Variants in GALNT8 observed in about 807,000 individuals in gnomAD.
The protein encoded by GALNT8 is probable polypeptide N-acetylgalactosaminyltransferase 8.
In GALNT8, 66 loss-of-function variants were observed where a neutral mutation model predicts 62.7. That is an observed-to-expected ratio of 1.05 (90% CI 0.86 to 1.29). GALNT8 has a LOEUF of 1.29. GALNT8 is among the 50% of genes most tolerant of loss of function. The probability of loss-of-function intolerance (pLI) is 0.00; values close to 1 mark genes in which losing one functional copy is unlikely to be tolerated. For synonymous variants in GALNT8, 288 were observed against 294.3 expected, an observed-to-expected ratio of 0.98 and a Z score of 0.22; for missense variants, 771 against 791.8, an observed-to-expected ratio of 0.97 and a Z score of 0.32.
intron 6 of GALNT8, 128 bp downstream of exon 6, chr12:4,746,386 TC>T (rs1946300104): frequency 1.5e-6 from 1 of 654,882 alleles, no homozygotes; most frequent in African/African-American, 1.8e-5. Flanking sequence ...TTCTTATGTT[TC>T]TAGGCAACTG....
At chr12:4,722,165 A>G (rs1946173854) in intron 1 of GALNT8, among the ~76,000 whole-genome samples, 1 of 152,192 alleles carries the variant, frequency 6.6e-6, no homozygotes, top group Non-Finnish European at 1.5e-5. Context: ...CTACACAGAC[A>G]CAGTAACAAT....
At chr12:4,759,761 G>T (rs1389317398) in intron 6 of GALNT8, among the ~76,000 whole-genome samples, 1 of 152,066 alleles carries the variant, frequency 6.6e-6, no homozygotes, top group East Asian at 1.9e-4. Flanking sequence ...AGCGTGGTAG[G>T]TTGCTAGCCA....
intron 3 of GALNT8, among the ~76,000 whole-genome samples, chr12:4,741,200 C>A (rs1946270658): frequency 6.6e-6 from 1 of 152,122 alleles, no homozygotes; most frequent in South Asian, 2.1e-4. Context: ...CTTAAACCTT[C>A]TTTTTTAGAC....
intron 6 of GALNT8, among the ~76,000 whole-genome samples, chr12:4,758,870 A>G (rs1333284853): frequency 2.0e-5 from 3 of 151,360 alleles, no homozygotes; most frequent in Non-Finnish European, 2.9e-5. Flanking sequence ...TCCACCTCCC[A>G]GGTTCAAGTG....
chr12:4,724,148 C>CAAAAA (rs11456593), intron 1 of GALNT8, among the ~76,000 whole-genome samples: 2 of 48,092 alleles, frequency 4.2e-5, no homozygotes, highest in Non-Finnish European at 7.0e-5. Context: ...GACTCCGTCT[C>CAAAAA]AAAAAAAAAA....
chr12:4,746,177 CAG>C lies in GALNT8; in HGVS notation c.1093_1094del (p.Arg365AlafsTer24). The C allele has an allele frequency of 6.2e-7, 1 of 1,612,606 alleles. No homozygotes were observed. Among genetic ancestry groups the C allele is most frequent in the Non-Finnish European group, 8.5e-7 (1 of 1,178,636 alleles). ...PSIMGILAAN[R>X]HFLGEIGSLD... is the part of the protein sequence containing the mutation. Reference sequence around the variant, plus strand: ...CAATCATGGGCATCCTGGCTGCTAACAGGCACTTCCTGGGAGAGATCGGGTCT... The same window carrying C: ...CAATCATGGGCATCCTGGCTGCTAACGCACTTCCTGGGAGAGATCGGGTCT... On this transcript the variant is annotated frameshift_variant, in exon 6 of 11. Coordinates refer to ENST00000252318, the MANE Select transcript of GALNT8 (RefSeq NM_017417.2). LOFTEE classifies it high-confidence loss of function.
At chr12:4,746,608 A>G (rs2137533276) in intron 6 of GALNT8, among the ~76,000 whole-genome samples, 1 of 152,254 alleles carries the variant, frequency 6.6e-6, no homozygotes, top group South Asian at 2.1e-4. Flanking sequence ...GACAGCAAAA[A>G]CAGGAGTGGG....
rs150045663 is a variant in GALNT8, at chr12:4,720,814, C to G, written c.137C>G (p.Pro46Arg). Residue 46 changes from proline to arginine, a missense_variant, in exon 1 of 11, where the codon CCT (proline) becomes CGT (arginine). By Grantham distance (103) the Pro-to-Arg change is moderately radical. Coordinates refer to ENST00000252318, the MANE Select transcript of GALNT8 (RefSeq NM_017417.2). ...LFTGGLHRELPLHLNKRYGAV... is the reference protein window; with the variant it reads ...LFTGGLHRELRLHLNKRYGAV... ...ACGGGTGGTCTCCACAGGGAGCTTC[C>G]TTTACATCTGAATAAACGCTACGGG... The G allele has an allele frequency of 6.5e-5, 104 of 1,612,242 alleles. No individual in the cohort carries two copies. In the African/African-American group the frequency reaches 1.2e-3, roughly 18 times the overall value.
rs1352563848 is a variant in GALNT8 at position 4,744,523 on chromosome 12, TA to T, written c.686del (p.Lys229ArgfsTer19). ...LVDDFSSNGE[L>X]KVHLDEKIKL... ...GTGTGCACTTGATTGACAGGAGAAC[TA>T]AAGGTACACTTGGATGAGAAGATTA... On this transcript the variant is annotated frameshift_variant, in exon 4 of 11. Coordinates refer to ENST00000252318, the MANE Select transcript of GALNT8 (RefSeq NM_017417.2). LOFTEE classifies it high-confidence loss of function. 1 of 1,605,626 alleles carries T rather than the reference TA, an allele frequency of 6.2e-7. No individual in the cohort carries two copies. Among genetic ancestry groups the T allele is most frequent in the African/African-American group, 1.3e-5 (1 of 74,524 alleles).
At position 4,739,164 on chromosome 12, in the gene GALNT8, T is replaced by C; in HGVS notation, c.511T>C (p.Cys171Arg). ...TGTTATAAAAATGGTCTCTTATAGA[T>C]GTCTTCGGAAGACATATCCTTCCCA... ...RTIPDTRDYRCLRKTYPSQLP... is the reference protein window; with the variant it reads ...RTIPDTRDYRRLRKTYPSQLP... Residue 171 changes from cysteine (C) to arginine (R), a missense_variant and splice_region_variant, in exon 3 of 11, where the codon TGT (cysteine) becomes CGT (arginine). Physicochemically the swap from Cys to Arg is radical, Grantham distance 180 (BLOSUM62 -3). Coordinates refer to ENST00000252318, the MANE Select transcript of GALNT8 (RefSeq NM_017417.2). 6.3e-7 allele frequency: 1 copy of C among 1,598,796 alleles called. No homozygotes were observed. The highest frequency in any genetic ancestry group is 8.6e-7 in the Non-Finnish European group (1 of 1,168,434).
chr12:4,744,749 T>C (rs12312983), intron 4 of GALNT8, 49 bp downstream of exon 4: 58,536 of 1,297,744 alleles, frequency 0.045, 2,223 homozygotes, highest in East Asian at 0.18. Context: ...AGAGGAGATA[T>C]TGTGCATGTA....
At chr12:4,768,900 A>G (rs1407830892) in intron 10 of GALNT8, among the ~76,000 whole-genome samples, 2 of 150,542 alleles carry the variant, frequency 1.3e-5, no homozygotes, top group Admixed American at 6.6e-5. Flanking sequence ...AAATTTTCCA[A>G]AATTGAGAGG....
chr12:4,756,299 G>A (rs6489566), intron 6 of GALNT8, among the ~76,000 whole-genome samples: 58,547 of 152,020 alleles, frequency 0.39, 11,541 homozygotes, highest in Admixed American at 0.44. Context: ...GAAAGTAGTC[G>A]AAATTACACA....
chr12:4,765,634 T>A, intron 10 of GALNT8, 88 bp downstream of exon 10: 1 of 982,562 alleles, frequency 1.0e-6, no homozygotes, highest in Non-Finnish European at 1.5e-6. Context: ...CAGGCTAGAG[T>A]GCAGTGGCTT....
chr12:4,730,197 T>G (rs1946215495), intron 2 of GALNT8, among the ~76,000 whole-genome samples: 1 of 152,194 alleles, frequency 6.6e-6, no homozygotes, highest in Admixed American at 6.5e-5. Context: ...TTCCTTGCTG[T>G]GTAGAAGATT....
rs1467626220 is a variant in GALNT8 at position 4,720,436 on chromosome 12, CA to C, written c.-240del. ...GAGCAACCTGTGGAAAGCCGCTGAGCAACCTGTGGAAAGCCGCTGAGCGGTT... is the reference window on the plus strand; with the variant it reads ...GAGCAACCTGTGGAAAGCCGCTGAGCACCTGTGGAAAGCCGCTGAGCGGTT... On this transcript the variant is annotated 5_prime_UTR_variant, in exon 1 of 11. Transcript: ENST00000252318. 14 of 523,440 alleles carry C rather than the reference CA, an allele frequency of 2.7e-5. No individual in the cohort carries two copies. Among genetic ancestry groups the C allele is most frequent in the African/African-American group, 1.9e-4 (10 of 52,460 alleles). The allele number at this position is 523,440 out of a possible 1,614,324, so 32.4% of individuals were successfully genotyped here.
intron 8 of GALNT8, 139 bp from the exon 9 acceptor site, chr12:4,763,813 G>T: frequency 1.6e-6 from 1 of 645,010 alleles, no homozygotes; most frequent in Non-Finnish European, 2.8e-6. Context: ...AATGCCTGCC[G>T]GGATCCCAGC....
At chr12:4,741,437 T>G (rs957601877) in intron 3 of GALNT8, among the ~76,000 whole-genome samples, 4 of 152,164 alleles carry the variant, frequency 2.6e-5, no homozygotes, top group Non-Finnish European at 4.4e-5. Flanking sequence ...GACCTCTGCC[T>G]TGGACTTCTG....
intron 9 of GALNT8, among the ~76,000 whole-genome samples, chr12:4,764,719 A>ATTTTT (rs750518123): frequency 1.5e-5 from 2 of 129,482 alleles, no homozygotes; most frequent in Non-Finnish European, 3.4e-5. Flanking sequence ...AATTTTTTGT[A>ATTTTT]TTTTTTTTTT....
Sources: gnomAD v4.1 joint callset for allele counts (sites outside exome capture counted in the v4.1 genomes callset) on GRCh38, gnomAD v4.1.1 for gene constraint, MANE v1.5 for transcripts, NCBI Gene and HGNC (gene_info 2026-07-23, HGNC 2026-07-21) for gene names.